BEST1: variants seen among roughly 807,000 people sequenced by gnomAD.
BEST1 encodes the protein bestrophin 1.
Under a neutral mutation model 63.3 loss-of-function variants are expected in BEST1, and 58 were observed. The ratio of observed to expected loss-of-function variants is 0.92; its 90% CI spans 0.74 to 1.14. BEST1 has a LOEUF of 1.14. Among genes scored for constraint, BEST1 ranks in the 50% most tolerant of loss-of-function variants. BEST1 has a pLI of 0.00. For synonymous variants in BEST1, 283 were observed against 291.6 expected, an observed-to-expected ratio of 0.97 and a Z score of 0.30; for missense variants, 671 against 740.1, an observed-to-expected ratio of 0.91 and a Z score of 1.08.
At chr11:61,953,330 C>T (rs1940908501) in intron 2 of BEST1, among the ~76,000 whole-genome samples, 2 of 152,176 alleles carry the variant, frequency 1.3e-5, no homozygotes, top group African/African-American at 4.8e-5. Context: ...AATCCCAGCA[C>T]TTTGGGAGGC....
chr11:61,963,110 T>C, intron 10 of BEST1: 2 of 1,463,254 alleles, frequency 1.4e-6, no homozygotes, highest in East Asian at 5.0e-5. Flanking sequence ...CACCCTGGTA[T>C]CACCCGGAAG....
At chr11:61,956,103 A>C (rs1325293981) in intron 4 of BEST1, 152 bp downstream of exon 4, 4 of 814,944 alleles carry the variant, frequency 4.9e-6, no homozygotes, top group Non-Finnish European at 7.6e-6. Context: ...TTGGGGGTCC[A>C]ATTGGGCGGG....
Position 61,955,551 on chromosome 11 carries a change from T to A in BEST1, c.248-167T>A, listed in dbSNP as rs1028689667. 8.0e-6 allele frequency: 8 copies of A among 995,942 alleles called. No homozygotes were observed. The East Asian group carries it at 2.1e-4, about 26-fold the overall frequency. The allele number at this position is 995,942 out of a possible 1,614,324, so 61.7% of individuals were successfully genotyped here. ...AACCCTTGGGGCTCTCGCGCCTCCATGCGAGGCTCTGCCTGCCTCTCGCTC... is the reference window on the plus strand; with the variant it reads ...AACCCTTGGGGCTCTCGCGCCTCCAAGCGAGGCTCTGCCTGCCTCTCGCTC... On this transcript the variant is annotated intron_variant, in intron 3 of 10. Coordinates refer to ENST00000378043, the MANE Select transcript of BEST1 (RefSeq NM_004183.4).
chr11:61,958,932 A>C, intron 7 of BEST1: 1 of 240,206 alleles, frequency 4.2e-6, no homozygotes. Flanking sequence ...ACGCATTCCT[A>C]TTCCTCTAAA....
chr11:61,958,540 A>G (rs1565034401), intron 7 of BEST1: 1 of 978,126 alleles, frequency 1.0e-6, no homozygotes, highest in African/African-American at 1.6e-5. Context: ...AGCCTGGGCA[A>G]AAGAATGAAA....
intron 4 of BEST1, among the ~76,000 whole-genome samples, chr11:61,956,493 A>T (rs578011509): frequency 6.6e-6 from 1 of 152,146 alleles, no homozygotes; most frequent in South Asian, 2.1e-4. Flanking sequence ...TCTCTACAAA[A>T]ACATTAAAAA....
intron 2 of BEST1, among the ~76,000 whole-genome samples, chr11:61,953,107 A>T (rs1431237426): frequency 6.6e-6 from 1 of 152,180 alleles, no homozygotes; most frequent in Non-Finnish European, 1.5e-5. Flanking sequence ...AAGCAAACAA[A>T]ATAATGTTTA....
At chr11:61,954,730 G>T in intron 2 of BEST1, 1 of 914,632 alleles carries the variant, frequency 1.1e-6, no homozygotes, top group East Asian at 1.2e-4. Context: ...GATTACAGGC[G>T]TGAACCACCG....
rs1941107191 is a variant in BEST1, at chr11:61,954,907, G to T, written c.153-200G>T. ...TCCCCACAAGAAACCACTGGAGGGGGCCTCCTCCTGTCCGGGTTTGGGGCT... is the reference window on the plus strand; with the variant it reads ...TCCCCACAAGAAACCACTGGAGGGGTCCTCCTCCTGTCCGGGTTTGGGGCT... On this transcript the variant is annotated intron_variant, in intron 2 of 10. Transcript: ENST00000378043. The T allele has an allele frequency of 3.0e-6, 3 of 985,298 alleles. No homozygotes were observed. In the Admixed American group the frequency reaches 1.8e-4, roughly 61 times the overall value. 61.0% of individuals were successfully genotyped at this position (985,298 alleles called of 1,614,324 possible). A position where few individuals can be genotyped will look rare whatever the true frequency, so the allele number is the denominator to read the frequency against.
intron 3 of BEST1, 119 bp from the exon 4 acceptor site, chr11:61,955,598 TG>T: frequency 2.5e-6 from 3 of 1,220,736 alleles, no homozygotes; most frequent in South Asian, 1.4e-5. Flanking sequence ...CCAGGAGGGC[TG>T]GGGGCTAGGC....
rs376416776 is a variant in BEST1, at chr11:61,957,486, C to T, written c.714+22C>T. The stretch of plus-strand genomic sequence containing the variant: ...ACAGGTGAGGACTAGGCTGGTGAGG[C>T]TGCCCTTTTGGGAAACTGAGGCTAG... On this transcript the variant is annotated intron_variant, in intron 6 of 10. Transcript: ENST00000378043. The T allele has an allele frequency of 3.7e-6, 6 of 1,611,508 alleles. No homozygotes were observed. In the Admixed American group the frequency reaches 5.0e-5, roughly 13 times the overall value.
intron 7 of BEST1, chr11:61,959,195 T>C: frequency 2.2e-6 from 1 of 458,748 alleles, no homozygotes; most frequent in Non-Finnish European, 4.0e-6. Context: ...AATAAAATTA[T>C]GCAACTCCAG....
chr11:61,957,595 T>G (rs1258979460), intron 6 of BEST1, 131 bp downstream of exon 6: 1 of 861,922 alleles, frequency 1.2e-6, no homozygotes, highest in African/African-American at 1.7e-5. Flanking sequence ...CACTTTGAAG[T>G]TGGGTCTGGA....
In BEST1 at chr11:61,962,838, A is replaced by T. The variant is rs1591314110; in HGVS notation, c.1684A>T (p.Asn562Tyr). 2 of 1,614,138 alleles carry T rather than the reference A, an allele frequency of 1.2e-6. No homozygotes were observed. The highest frequency in any genetic ancestry group is 4.5e-5 in the East Asian group (2 of 44,876). Reference protein sequence around the residue: ...LKEPLEQSPTNIHTTLKDHMD... With the variant: ...LKEPLEQSPTYIHTTLKDHMD... The stretch of plus-strand genomic sequence containing the variant: ...AGAACCTTTGGAACAATCACCAACC[A>T]ACATACACACTACACTCAAAGATCA... Residue 562 changes from asparagine to tyrosine, a missense_variant, in exon 10 of 11, where the codon AAC (asparagine) becomes TAC (tyrosine). Coordinates refer to ENST00000378043, the MANE Select transcript of BEST1 (RefSeq NM_004183.4).
chr11:61,954,044 A>G (rs1453253517), intron 2 of BEST1, among the ~76,000 whole-genome samples: 1 of 152,244 alleles, frequency 6.6e-6, no homozygotes, highest in Non-Finnish European at 1.5e-5. Flanking sequence ...CATCAAATAC[A>G]TAAAATTCTT....
intron 7 of BEST1, chr11:61,958,881 CACACACACACACACACACACACACAT>C (rs1941699440): frequency 4.9e-5 from 3 of 61,500 alleles, no homozygotes; most frequent in South Asian, 2.1e-4. Context: ...GTGACACACA[CACACACACACACACACACACACACAT>C]ACACACACAC....
chr11:61,961,916 G>T lies in BEST1; in HGVS notation c.1101-339G>T. ...CATGGGCCTCATCTGAACCACTCAT[G>T]CCAGGGCACCAGTGTTTCTGACTGC... On this transcript the variant is annotated intron_variant, in intron 9 of 10. Coordinates refer to ENST00000378043, the MANE Select transcript of BEST1 (RefSeq NM_004183.4). The T allele has an allele frequency of 2.2e-5, 8 of 368,736 alleles. No homozygotes were observed. In the South Asian group the frequency reaches 2.2e-4, roughly 10 times the overall value. The allele number at this position is 368,736 out of a possible 1,614,324, so 22.8% of individuals were successfully genotyped here. A position where few individuals can be genotyped will look rare whatever the true frequency, so the allele number is the denominator to read the frequency against.
chr11:61,957,798 G>A (rs1303081441), intron 6 of BEST1, among the ~76,000 whole-genome samples: 1 of 152,158 alleles, frequency 6.6e-6, no homozygotes, highest in Non-Finnish European at 1.5e-5. Flanking sequence ...CCAACATGGT[G>A]AAACCCCATC....
Position 61,955,594 on chromosome 11 carries a change from G to C in BEST1, c.248-124G>C, listed in dbSNP as rs549635533. The C allele has an allele frequency of 1.9e-4, 220 of 1,186,544 alleles. 2 individuals are homozygous for C. In the South Asian group the frequency reaches 2.9e-3, roughly 16 times the overall value. The allele number at this position is 1,186,544 out of a possible 1,614,324, so 73.5% of individuals were successfully genotyped here. On this transcript the variant is annotated intron_variant, in intron 3 of 10. Coordinates refer to ENST00000378043, the MANE Select transcript of BEST1 (RefSeq NM_004183.4). Reference sequence around the variant, plus strand: ...TCTCGCTCCCGAGCGCCTTCCAGGAGGGCTGGGGGCTAGGCCCGCTCGCAG... The same window carrying C: ...TCTCGCTCCCGAGCGCCTTCCAGGACGGCTGGGGGCTAGGCCCGCTCGCAG...
Sources: allele counts gnomAD v4.1 joint callset (sites outside exome capture counted in the v4.1 genomes callset), GRCh38; gene constraint gnomAD v4.1.1; transcripts MANE v1.5; gene names NCBI Gene and HGNC (gene_info 2026-07-23, HGNC 2026-07-21).